Variants in MAPKAP1 observed in about 807,000 individuals in gnomAD.
The protein encoded by MAPKAP1 is target of rapamycin complex 2 subunit MAPKAP1.
MAPKAP1 carries 20 observed loss-of-function variants against 65.7 expected under a neutral mutation model. The observed-to-expected ratio is 0.30, with a 90% CI of 0.21 to 0.44. The LOEUF (loss-of-function observed/expected upper bound fraction) is 0.44. MAPKAP1 is among the 20% of genes least tolerant of loss of function. The pLI, the probability that MAPKAP1 is intolerant of heterozygous loss-of-function variation, is 1.00. For synonymous variants in MAPKAP1, 222 were observed against 244.3 expected (o/e 0.91, Z 0.85); for missense variants, 423 against 648.0 (o/e 0.65, Z 3.77).
intron 4 of MAPKAP1, among the ~76,000 whole-genome samples, chr9:125,643,348 C>T (rs1396202228): frequency 6.6e-6 from 1 of 151,938 alleles, no homozygotes; most frequent in Non-Finnish European, 1.5e-5. Flanking sequence ...GCACCCACCA[C>T]CACATCCAGC....
intron 1 of MAPKAP1, chr9:125,696,432 A>G (rs899240131): frequency 6.6e-6 from 1 of 151,618 alleles, no homozygotes; most frequent in South Asian, 2.1e-4. Flanking sequence ...CAAAAAAAAA[A>G]CAAAAAACAA....
intron 1 of MAPKAP1, among the ~76,000 whole-genome samples, chr9:125,698,317 A>T (rs1309927322): frequency 1.2e-5 from 1 of 86,800 alleles, no homozygotes; most frequent in Admixed American, 1.4e-4. Flanking sequence ...ATATATATAT[A>T]TATATATATA....
intron 11 of MAPKAP1, among the ~76,000 whole-genome samples, chr9:125,440,600 C>T (rs920941579): frequency 2.1e-4 from 32 of 152,216 alleles, no homozygotes; most frequent in African/African-American, 7.7e-4. Flanking sequence ...GGGGAGGCAG[C>T]GCGAGATGGC....
intron 1 of MAPKAP1, among the ~76,000 whole-genome samples, chr9:125,691,340 G>A (rs1835164488): frequency 6.6e-6 from 1 of 152,146 alleles, no homozygotes; most frequent in African/African-American, 2.4e-5. Context: ...GAAGGGGGAA[G>A]TTTATGGCTT....
At chr9:125,545,192 T>A (rs1438694359) in intron 6 of MAPKAP1, among the ~76,000 whole-genome samples, 1 of 152,226 alleles carries the variant, frequency 6.6e-6, no homozygotes, top group African/African-American at 2.4e-5. Flanking sequence ...CAGAACAATC[T>A]TTAAAAGTTT....
At chr9:125,680,895 A>C (rs972276554) in intron 1 of MAPKAP1, among the ~76,000 whole-genome samples, 5 of 152,218 alleles carry the variant, frequency 3.3e-5, no homozygotes, top group African/African-American at 1.2e-4. Flanking sequence ...TTCAGGAAGG[A>C]AGGCAGAAGT....
chr9:125,642,604 C>G (rs1194102062), intron 4 of MAPKAP1, among the ~76,000 whole-genome samples: 2 of 152,172 alleles, frequency 1.3e-5, no homozygotes, highest in Non-Finnish European at 2.9e-5. Context: ...TAACACAGTT[C>G]TGAGAAATCT....
rs1564622640 is a variant in MAPKAP1, at chr9:125,698,331, ATAT to A, written c.-70+8637_-70+8639del. Among the ~76,000 whole-genome samples the A allele has an allele frequency of 3.6e-3, 379 of 104,932 alleles. 5 individuals are homozygous for A. The highest frequency in any genetic ancestry group is 6.0e-3 in the Non-Finnish European group (317 of 52,454). The allele number at this position is 104,932 out of a possible 152,430, so 68.8% of individuals were successfully genotyped here. A position where few individuals can be genotyped will look rare whatever the true frequency, so the allele number is the denominator to read the frequency against. On this transcript the variant is annotated intron_variant, in intron 1 of 11. Transcript: ENST00000265960. ...TATATATATATATATATATATATAT[ATAT>A]ATAAAATATATATATTTTTTGAGAT...
At chr9:125,562,523 A>C (rs181070337) in intron 5 of MAPKAP1, among the ~76,000 whole-genome samples, 1 of 152,286 alleles carries the variant, frequency 6.6e-6, no homozygotes, top group East Asian at 1.9e-4. Flanking sequence ...GGAGATAATG[A>C]CTAAAATTCT....
At chr9:125,497,126 T>C (rs558060099) in intron 8 of MAPKAP1, among the ~76,000 whole-genome samples, 1 of 152,174 alleles carries the variant, frequency 6.6e-6, no homozygotes, top group African/African-American at 2.4e-5. Context: ...GGGGGAAAAT[T>C]AAGAAGGTAA....
intron 1 of MAPKAP1, among the ~76,000 whole-genome samples, chr9:125,677,050 T>G (rs1388413579): frequency 6.6e-6 from 1 of 152,158 alleles, no homozygotes; most frequent in Admixed American, 6.5e-5. Flanking sequence ...CAGAACAAGG[T>G]TTAGAAATGC....
chr9:125,690,973 TG>T (rs1835148737), intron 1 of MAPKAP1, among the ~76,000 whole-genome samples: 1 of 152,086 alleles, frequency 6.6e-6, no homozygotes, highest in Non-Finnish European at 1.5e-5. Context: ...AGATAAAAAC[TG>T]GTAGAGGCCG....
At chr9:125,451,627 C>A (rs1308905184) in intron 10 of MAPKAP1, among the ~76,000 whole-genome samples, 1 of 152,114 alleles carries the variant, frequency 6.6e-6, no homozygotes, top group Non-Finnish European at 1.5e-5. Flanking sequence ...GGTGGCACAA[C>A]TGGAGGCTTC....
At chr9:125,457,225 G>A (rs1853214516) in intron 10 of MAPKAP1, among the ~76,000 whole-genome samples, 1 of 152,070 alleles carries the variant, frequency 6.6e-6, no homozygotes, top group Non-Finnish European at 1.5e-5. Flanking sequence ...CTGACCTCAG[G>A]TGATCTACCC....
intron 4 of MAPKAP1, among the ~76,000 whole-genome samples, chr9:125,612,733 T>C (rs1027768658): frequency 2.0e-5 from 3 of 152,224 alleles, no homozygotes; most frequent in Non-Finnish European, 4.4e-5. Flanking sequence ...ACAGCAGAAG[T>C]ACCACTAAAT....
intron 10 of MAPKAP1, among the ~76,000 whole-genome samples, chr9:125,466,716 G>A (rs1233494816): frequency 6.6e-6 from 1 of 152,164 alleles, no homozygotes; most frequent in Non-Finnish European, 1.5e-5. Flanking sequence ...AGGCCTCGCT[G>A]GGATGACAGG....
intron 10 of MAPKAP1, among the ~76,000 whole-genome samples, chr9:125,458,962 C>T: frequency 1.0e-5 from 1 of 95,314 alleles, no homozygotes; most frequent in African/African-American, 4.4e-5. Flanking sequence ...GGCGGAGACG[C>T]TCCTCACTTC....
Position 125,595,793 on chromosome 9 carries a change from T to A in MAPKAP1, c.499-10066A>T. 1 of 1,166,808 alleles carries A rather than the reference T, an allele frequency of 8.6e-7. No homozygotes were observed. Among genetic ancestry groups the A allele is most frequent in the Non-Finnish European group, 1.3e-6 (1 of 789,314 alleles). The allele number at this position is 1,166,808 out of a possible 1,614,324, so 72.3% of individuals were successfully genotyped here. A position where few individuals can be genotyped will look rare whatever the true frequency, so the allele number is the denominator to read the frequency against. Reference sequence around the variant, plus strand: ...TGAGCAATGGGGAACGCTCCCAGACTGTGTGGTAATGAAAGATTCCAACAC... The same window carrying A: ...TGAGCAATGGGGAACGCTCCCAGACAGTGTGGTAATGAAAGATTCCAACAC... On this transcript the variant is annotated intron_variant, in intron 4 of 11. Coordinates refer to ENST00000265960, the MANE Select transcript of MAPKAP1 (RefSeq NM_001006617.3). This position sits in a 1 kb window ranked among gnomAD's most constrained non-coding sequence, Gnocchi z 4.0.
intron 6 of MAPKAP1, among the ~76,000 whole-genome samples, chr9:125,550,433 T>C (rs1830553671): frequency 6.6e-6 from 1 of 152,196 alleles, no homozygotes; most frequent in Admixed American, 6.5e-5. Flanking sequence ...AAGACACATA[T>C]TAACTAAAGC....
Sources: gnomAD v4.1 joint callset for allele counts (sites outside exome capture counted in the v4.1 genomes callset) on GRCh38, gnomAD v4.1.1 for gene constraint, Gnocchi (gnomAD v3.1) non-coding constraint, MANE v1.5 for transcripts, NCBI Gene and HGNC (gene_info 2026-07-23, HGNC 2026-07-21) for gene names.